The following LDLRAD4 variants were observed in gnomAD, a reference collection of about 807,000 sequenced individuals.
The protein encoded by LDLRAD4 is low-density lipoprotein receptor class A domain-containing protein 4.
In LDLRAD4, 5 loss-of-function variants were observed where a neutral mutation model predicts 17.0. That is an observed-to-expected ratio of 0.29 (90% CI 0.15 to 0.62). LDLRAD4 has a LOEUF of 0.62. LDLRAD4 is among the 20% of genes least tolerant of loss of function. LDLRAD4 has a pLI of 0.84. For synonymous variants in LDLRAD4, 168 were observed against 171.8 expected, an observed-to-expected ratio of 0.98 and a Z score of 0.17; for missense variants, 340 against 424.7, an observed-to-expected ratio of 0.80 and a Z score of 1.75.
At chr18:13,570,474 C>T (rs562828565) in intron 3 of LDLRAD4, among the ~76,000 whole-genome samples, 5 of 152,370 alleles carry the variant, frequency 3.3e-5, no homozygotes, top group African/African-American at 9.6e-5. Context: ...CAGGCGCCTC[C>T]TGCCCATTCC....
chr18:13,254,678 A>T (rs1301380300), intron 1 of LDLRAD4, among the ~76,000 whole-genome samples: 1 of 152,224 alleles, frequency 6.6e-6, no homozygotes, highest in East Asian at 1.9e-4. Flanking sequence ...ATGTAAAAGA[A>T]CATACTGGGC....
intron 3 of LDLRAD4, among the ~76,000 whole-genome samples, chr18:13,601,137 G>A (rs145789010): frequency 3.3e-5 from 5 of 152,234 alleles, no homozygotes; most frequent in African/African-American, 4.8e-5. Context: ...TTAACCAGGG[G>A]CCTCACATTC....
At chr18:13,542,096 T>C (rs1413815046) in intron 3 of LDLRAD4, among the ~76,000 whole-genome samples, 2 of 152,156 alleles carry the variant, frequency 1.3e-5, no homozygotes, top group East Asian at 3.9e-4. Flanking sequence ...AAAAGGTCAC[T>C]CTCTACTCAA....
At chr18:13,428,850 T>G (rs751824725) in intron 2 of LDLRAD4, among the ~76,000 whole-genome samples, 2 of 152,096 alleles carry the variant, frequency 1.3e-5, no homozygotes, top group Non-Finnish European at 2.9e-5. Context: ...AAATGAGGTA[T>G]TTGGCCTTGG....
chr18:13,464,459 A>G (rs548639628), intron 3 of LDLRAD4, among the ~76,000 whole-genome samples: 1 of 152,300 alleles, frequency 6.6e-6, no homozygotes, highest in Non-Finnish European at 1.5e-5. Flanking sequence ...TCAACTAATA[A>G]TCTCATTTAG....
At chr18:13,280,544 GA>G (rs1346198980) in intron 1 of LDLRAD4, among the ~76,000 whole-genome samples, 4 of 152,184 alleles carry the variant, frequency 2.6e-5, no homozygotes, top group Admixed American at 2.0e-4. Flanking sequence ...GTTTGCTAAG[GA>G]ATTTCACACG....
chr18:13,578,650 C>T (rs1057110489), intron 3 of LDLRAD4, among the ~76,000 whole-genome samples: 3 of 152,114 alleles, frequency 2.0e-5, no homozygotes, highest in Non-Finnish European at 4.4e-5. Flanking sequence ...CCCTGCAGAT[C>T]GTGCACACAG....
chr18:13,379,014 T>G (rs899271232), intron 1 of LDLRAD4, among the ~76,000 whole-genome samples: 1 of 151,890 alleles, frequency 6.6e-6, no homozygotes, highest in Non-Finnish European at 1.5e-5. Flanking sequence ...CCAGCCCTCA[T>G]TAGATCTAGG....
intron 3 of LDLRAD4, among the ~76,000 whole-genome samples, chr18:13,545,723 C>A (rs1291319798): frequency 2.0e-5 from 3 of 152,120 alleles, no homozygotes; most frequent in Non-Finnish European, 4.4e-5. Flanking sequence ...TGTTATGGAG[C>A]CAAGCAAGCT....
intron 1 of LDLRAD4, among the ~76,000 whole-genome samples, chr18:13,317,896 T>C (rs556219988): frequency 1.3e-5 from 2 of 151,974 alleles, no homozygotes; most frequent in African/African-American, 4.8e-5. Context: ...TAAGAAAAAA[T>C]TTTTTATCAT....
intron 1 of LDLRAD4, among the ~76,000 whole-genome samples, chr18:13,321,901 A>AAAAAAAT: frequency 8.6e-6 from 1 of 116,444 alleles, no homozygotes; most frequent in East Asian, 2.6e-4. Context: ...AAAAAAAAAA[A>AAAAAAAT]AGAAAAGAAA....
intron 1 of LDLRAD4, among the ~76,000 whole-genome samples, chr18:13,224,288 C>A (rs936230416): frequency 2.0e-5 from 3 of 152,176 alleles, no homozygotes; most frequent in Admixed American, 2.0e-4. Flanking sequence ...CTTAAAACCA[C>A]TTCCATCAGC....
At chr18:13,372,953 C>T (rs571507010) in intron 1 of LDLRAD4, among the ~76,000 whole-genome samples, 6 of 152,324 alleles carry the variant, frequency 3.9e-5, no homozygotes, top group South Asian at 2.1e-4. Flanking sequence ...GCTCCAGTTG[C>T]GTCTTCATGT....
At chr18:13,593,715 A>T (rs886328979) in intron 3 of LDLRAD4, among the ~76,000 whole-genome samples, 1 of 152,136 alleles carries the variant, frequency 6.6e-6, no homozygotes, top group Admixed American at 6.5e-5. Flanking sequence ...TCAGCCTCCT[A>T]AGTAGTTGGG....
chr18:13,269,911 T>G (rs572604406), intron 1 of LDLRAD4, among the ~76,000 whole-genome samples: 1 of 152,364 alleles, frequency 6.6e-6, no homozygotes. Context: ...CTTATGGGTA[T>G]CACTCGAATA....
At chr18:13,538,576 G>A (rs1305713255) in intron 3 of LDLRAD4, among the ~76,000 whole-genome samples, 1 of 151,372 alleles carries the variant, frequency 6.6e-6, no homozygotes, top group Non-Finnish European at 1.5e-5. Context: ...CCAGGCTGGA[G>A]TGCAGTGGCA....
chr18:13,642,927 TG>T (rs1385917653), intron 4 of LDLRAD4, among the ~76,000 whole-genome samples: 1,189 of 117,110 alleles, frequency 0.01, 10 homozygotes, highest in Middle Eastern at 0.045. Context: ...ATCTATTTTT[TG>T]TTTTTTTTTT....
In LDLRAD4 at chr18:13,621,267, C is replaced by T. The variant is rs767437921; in HGVS notation, c.332C>T (p.Pro111Leu). The T allele has an allele frequency of 1.2e-5, 20 of 1,611,596 alleles. No individual in the cohort carries two copies. Among genetic ancestry groups the T allele is most frequent in the South Asian group, 3.3e-5 (3 of 91,076 alleles). ...AGCCGGAGGCGGGAGGACGGGCTGC[C>T]GCAGGTGAGTACCCTGGCCGCCCCG... Residue 111 changes from proline (P) to leucine (L), a missense_variant, in exon 4 of 6, where the codon CCG becomes CTG. Pro to Leu is a moderately conservative substitution (Grantham distance 98, BLOSUM62 -3). Coordinates refer to ENST00000359446, the Ensembl canonical transcript of LDLRAD4. This position sits in a 1 kb window ranked among gnomAD's most constrained non-coding sequence, Gnocchi z 5.5.
intron 3 of LDLRAD4, among the ~76,000 whole-genome samples, chr18:13,593,091 T>A (rs752801726): frequency 1.3e-5 from 2 of 152,316 alleles, no homozygotes; most frequent in East Asian, 3.9e-4. Flanking sequence ...GGCAGGCAGA[T>A]CACTTGAGGT....
Sources: gnomAD v4.1 joint callset for allele counts (sites outside exome capture counted in the v4.1 genomes callset) on GRCh38, gnomAD v4.1.1 for gene constraint, Gnocchi (gnomAD v3.1) non-coding constraint, MANE v1.5 for transcripts, NCBI Gene and HGNC (gene_info 2026-07-23, HGNC 2026-07-21) for gene names.